The following TAPBP variants were observed in gnomAD, a reference collection of about 807,000 sequenced individuals.
The protein encoded by TAPBP is TAP binding protein, also known as tapasin.
In TAPBP, 38 loss-of-function variants were observed where a neutral mutation model predicts 45.7. The observed-to-expected ratio is 0.83, with a 90% CI of 0.64 to 1.09. The LOEUF (loss-of-function observed/expected upper bound fraction) is 1.09, where lower values mean the gene tolerates loss of function less well. Among genes scored for constraint, TAPBP ranks in the 50% least tolerant of loss-of-function variants. The probability of loss-of-function intolerance (pLI) is 0.00; values close to 1 mark genes in which losing one functional copy is unlikely to be tolerated. For synonymous variants in TAPBP, 226 were observed against 254.8 expected (o/e 0.89, Z 1.08); for missense variants, 513 against 587.3 (o/e 0.87, Z 1.31).
At chr6:33,309,610 T>TTTC (rs1769205876) in intron 3 of TAPBP, among the ~76,000 whole-genome samples, 1 of 145,536 alleles carries the variant, frequency 6.9e-6, no homozygotes, top group Non-Finnish European at 1.5e-5. Context: ...TTTTTTTTTT[T>TTTC]TTTTTTTTTT....
In TAPBP at chr6:33,305,377, A is replaced by G. The variant is rs1371576684; in HGVS notation, c.480T>C (p.Thr160=). The stretch of plus-strand genomic sequence containing the variant: ...GAGGGGCAGGGGTGTGGGTGAGGAC[A>G]GTCAGTACCACTGAGGAAGACAGGG... ...VLITMATVVL[T]VLTHTPAPRV... is the part of the protein sequence containing the mutation. Residue 160 remains threonine (T), a synonymous_variant, in exon 4 of 8, where the codon ACT becomes ACC. Coordinates refer to ENST00000434618, the MANE Select transcript of TAPBP (RefSeq NM_003190.5). This position sits in a 1 kb window ranked among gnomAD's most constrained non-coding sequence, Gnocchi z 4.4. 1.3e-6 allele frequency: 2 copies of G among 1,521,084 alleles called. No homozygotes were observed. Among genetic ancestry groups the G allele is most frequent in the African/African-American group, 2.8e-5 (2 of 71,830 alleles). The allele number at this position is 1,521,084 out of a possible 1,614,324, so 94.2% of individuals were successfully genotyped here. A position where few individuals can be genotyped will look rare whatever the true frequency, so the allele number is the denominator to read the frequency against.
chr6:33,313,777 G>C lies in TAPBP; in HGVS notation c.125C>G (p.Pro42Arg). The C allele has an allele frequency of 6.2e-7, 1 of 1,613,732 alleles. No homozygotes were observed. The highest frequency in any genetic ancestry group is 8.5e-7 in the Non-Finnish European group (1 of 1,180,004). Residue 42 changes from proline (P) to arginine (R), a missense_variant, in exon 2 of 8, where the codon CCC becomes CGC. Pro to Arg is a moderately radical substitution (Grantham distance 103). Coordinates refer to ENST00000434618, the MANE Select transcript of TAPBP (RefSeq NM_003190.5). The surrounding 1 kb of genome is among the most constrained non-coding windows in gnomAD (Gnocchi z 7.2). The stretch of plus-strand genomic sequence containing the variant: ...TCCCTGGCGCAACAGCAGTGCACCG[G>C]GTCTCTTGGCCAGGCCCTTTCCGCT... ...DASGKGLAKRPGALLLRQGPG... is the reference protein window; with the variant it reads ...DASGKGLAKRRGALLLRQGPG...
At position 33,300,980 on chromosome 6, in the gene TAPBP, A is replaced by AG. The variant is rs1345747179; in HGVS notation, c.*779_*780insC. ...GACTCCGTCTCAAAAAAAAAAAAAAAAAAGTTTTTTGCCTTCTTCATTCTA... is the reference window on the plus strand; with the variant it reads ...GACTCCGTCTCAAAAAAAAAAAAAAAGAAAGTTTTTTGCCTTCTTCATTCTA... On this transcript the variant is annotated 3_prime_UTR_variant, in exon 8 of 8. Coordinates refer to ENST00000434618, the MANE Select transcript of TAPBP (RefSeq NM_003190.5). 1 of 152,164 alleles carries AG rather than the reference A, an allele frequency of 6.6e-6. No individual in the cohort carries two copies. The highest frequency in any genetic ancestry group is 1.5e-5 in the Non-Finnish European group (1 of 68,042). The allele number at this position is 152,164 out of a possible 1,614,324, so 9.4% of individuals were successfully genotyped here.
At position 33,314,064 on chromosome 6, in the gene TAPBP, T is replaced by C; in HGVS notation, c.-23A>G. ...CATGGCGCTGCGACCTCCTCAGCCA[T>C]GAAGCCTCCTCTTCCTCCTTTCACT... is the stretch of plus-strand genomic sequence containing the variant. On this transcript the variant is annotated 5_prime_UTR_variant, in exon 1 of 8. It removes an upstream start codon present in the reference 5' UTR. Coordinates refer to ENST00000434618, the MANE Select transcript of TAPBP (RefSeq NM_003190.5). 1 of 1,612,874 alleles carries C rather than the reference T, an allele frequency of 6.2e-7. No individual in the cohort carries two copies. Among genetic ancestry groups the C allele is most frequent in the Non-Finnish European group, 8.5e-7 (1 of 1,179,210 alleles).
At chr6:33,302,294 T>C (rs2150956780) in intron 7 of TAPBP, among the ~76,000 whole-genome samples, 1 of 151,898 alleles carries the variant, frequency 6.6e-6, no homozygotes, top group South Asian at 2.1e-4. Context: ...TATAGCTGTG[T>C]GCCACCATGC....
intron 7 of TAPBP, chr6:33,303,458 G>A: frequency 2.7e-6 from 1 of 365,622 alleles, no homozygotes; most frequent in South Asian, 3.5e-5. Context: ...ATGTGTATAA[G>A]GTGTATAGGA....
intron 3 of TAPBP, among the ~76,000 whole-genome samples, chr6:33,309,855 G>T (rs989186777): frequency 3.8e-4 from 57 of 150,842 alleles, no homozygotes; most frequent in African/African-American, 1.3e-3. Flanking sequence ...CTTCCGAGTA[G>T]CTGGGATTAC....
rs1768452688 is a variant in TAPBP at position 33,300,276 on chromosome 6, G to A, written c.*1484C>T. 1 of 153,806 alleles carries A rather than the reference G, an allele frequency of 6.5e-6. No homozygotes were observed. The highest frequency in any genetic ancestry group is 1.5e-5 in the Non-Finnish European group (1 of 68,062). The allele number at this position is 153,806 out of a possible 1,614,324, so 9.5% of individuals were successfully genotyped here. Reference sequence around the variant, plus strand: ...GAATGGATTTGGCCCTAGAGTACGGGTTCTCCAAATGTAACCTCGGCCCTA... The same window carrying A: ...GAATGGATTTGGCCCTAGAGTACGGATTCTCCAAATGTAACCTCGGCCCTA... On this transcript the variant is annotated 3_prime_UTR_variant, in exon 8 of 8. Coordinates refer to ENST00000434618, the MANE Select transcript of TAPBP (RefSeq NM_003190.5).
In TAPBP at chr6:33,304,636, G is replaced by T. The variant is rs1047968447; in HGVS notation, c.871C>A (p.Pro291Thr). 3.2e-6 allele frequency: 5 copies of T among 1,564,968 alleles called. No individual in the cohort carries two copies. The South Asian group carries it at 3.4e-5, about 11-fold the overall frequency. The change falls in exon 5 of 8, where the codon CCC (proline) becomes ACC (threonine). Residue 291 changes from proline to threonine, a missense_variant and splice_region_variant. Pro to Thr is a conservative substitution (Grantham distance 38). Coordinates refer to ENST00000434618, the MANE Select transcript of TAPBP (RefSeq NM_003190.5). ...QVTLELAVYK[P>T]PKVSLMPATL... ...GCTGGCATCAGGGACACTTTGGGGG[G>T]TTCTGGGGAAAGAGGACGAAATGAG...
In TAPBP at chr6:33,305,496, A is replaced by T; in HGVS notation, c.470-109T>A. 8.2e-7 allele frequency: 1 copy of T among 1,224,210 alleles called. No individual in the cohort carries two copies. Among genetic ancestry groups the T allele is most frequent in the Non-Finnish European group, 1.1e-6 (1 of 901,668 alleles). The allele number at this position is 1,224,210 out of a possible 1,614,324, so 75.8% of individuals were successfully genotyped here. ...GGGAGGGCTAAACTGCAGTTTACCC[A>T]CCCCTCAGAGGACACCTTTTCTGAT... On this transcript the variant is annotated intron_variant, in intron 3 of 7. Coordinates refer to ENST00000434618, the MANE Select transcript of TAPBP (RefSeq NM_003190.5). This position sits in a 1 kb window ranked among gnomAD's most constrained non-coding sequence, Gnocchi z 4.4.
chr6:33,314,069 C>A lies in TAPBP; in HGVS notation c.-28G>T. On this transcript the variant is annotated 5_prime_UTR_variant, in exon 1 of 8. Coordinates refer to ENST00000434618, the MANE Select transcript of TAPBP (RefSeq NM_003190.5). ...CGCTGCGACCTCCTCAGCCATGAAG[C>A]CTCCTCTTCCTCCTTTCACTTTCAC... 6.2e-7 allele frequency: 1 copy of A among 1,610,878 alleles called. No individual in the cohort carries two copies. Among genetic ancestry groups the A allele is most frequent in the Non-Finnish European group, 8.5e-7 (1 of 1,177,860 alleles).
chr6:33,310,689 C>T (rs1170012605), intron 3 of TAPBP, among the ~76,000 whole-genome samples: 1 of 151,782 alleles, frequency 6.6e-6, no homozygotes, highest in East Asian at 1.9e-4. Context: ...CATGGTGGCA[C>T]ATGCCTGTGG....
chr6:33,308,582 C>T (rs1452193761), intron 3 of TAPBP, among the ~76,000 whole-genome samples: 1 of 152,068 alleles, frequency 6.6e-6, no homozygotes, highest in Non-Finnish European at 1.5e-5. Flanking sequence ...TCATGAGGTC[C>T]CTTCAGTTTA....
At chr6:33,302,894 C>T (rs866966943) in intron 7 of TAPBP, among the ~76,000 whole-genome samples, 1 of 152,110 alleles carries the variant, frequency 6.6e-6, no homozygotes. Flanking sequence ...CCTCCCGCCT[C>T]GGCCTCCCAA....
rs931325263 is a variant in TAPBP, at chr6:33,301,552, C to T, written c.*208G>A. 16 of 566,846 alleles carry T rather than the reference C, an allele frequency of 2.8e-5. No individual in the cohort carries two copies. Among genetic ancestry groups the T allele is most frequent in the South Asian group, 4.4e-5 (2 of 45,660 alleles). 35.1% of individuals were successfully genotyped at this position (566,846 alleles called of 1,614,324 possible). A position where few individuals can be genotyped will look rare whatever the true frequency, so the allele number is the denominator to read the frequency against. On this transcript the variant is annotated 3_prime_UTR_variant, in exon 8 of 8. Coordinates refer to ENST00000434618, the MANE Select transcript of TAPBP (RefSeq NM_003190.5). ...TCATGCCACTGCACTGCAGCCTGGGCGGAAGAGTGAGACTCCGTCTCAAAA... is the reference window on the plus strand; with the variant it reads ...TCATGCCACTGCACTGCAGCCTGGGTGGAAGAGTGAGACTCCGTCTCAAAA...
chr6:33,308,873 GT>G (rs1438807278), intron 3 of TAPBP, among the ~76,000 whole-genome samples: 1 of 152,106 alleles, frequency 6.6e-6, no homozygotes, highest in Non-Finnish European at 1.5e-5. Flanking sequence ...GTACATGAAG[GT>G]CACTTTCACT....
At position 33,313,866 on chromosome 6, in the gene TAPBP, T is replaced by C. The variant is rs745433426; in HGVS notation, c.38-2A>G. 1.2e-6 allele frequency: 2 copies of C among 1,613,344 alleles called. No homozygotes were observed. The highest frequency in any genetic ancestry group is 1.7e-6 in the Non-Finnish European group (2 of 1,179,918). On this transcript the variant is annotated splice_acceptor_variant, in intron 1 of 7. Transcript: ENST00000434618. LOFTEE classifies it high-confidence loss of function. The surrounding 1 kb of genome is among the most constrained non-coding windows in gnomAD (Gnocchi z 7.2). ...CTGCTGAGACGGCGGTCGCCAGGCCTGGCGTATAGGGACGCGAGTGAGGAG... is the reference window on the plus strand; with the variant it reads ...CTGCTGAGACGGCGGTCGCCAGGCCCGGCGTATAGGGACGCGAGTGAGGAG...
In TAPBP at chr6:33,300,615, C is replaced by G. The variant is rs1210250402; in HGVS notation, c.*1145G>C. The G allele has an allele frequency of 6.8e-6, 1 of 146,300 alleles. No individual in the cohort carries two copies. The allele number at this position is 146,300 out of a possible 1,614,324, so 9.1% of individuals were successfully genotyped here. A position where few individuals can be genotyped will look rare whatever the true frequency, so the allele number is the denominator to read the frequency against. Reference sequence around the variant, plus strand: ...GGCGGAGCGTGCCGTGAGCCGAGATCGTGCCACTGCACTCCAGCCTGGGCA... The same window carrying G: ...GGCGGAGCGTGCCGTGAGCCGAGATGGTGCCACTGCACTCCAGCCTGGGCA... On this transcript the variant is annotated 3_prime_UTR_variant, in exon 8 of 8. Coordinates refer to ENST00000434618, the MANE Select transcript of TAPBP (RefSeq NM_003190.5).
At chr6:33,307,924 A>C (rs1365403653) in intron 3 of TAPBP, among the ~76,000 whole-genome samples, 1 of 152,104 alleles carries the variant, frequency 6.6e-6, no homozygotes, top group Non-Finnish European at 1.5e-5. Context: ...TACCTTCATC[A>C]CTATCATGGA....
Sources: allele counts gnomAD v4.1 joint callset (sites outside exome capture counted in the v4.1 genomes callset), GRCh38; gene constraint gnomAD v4.1.1; non-coding constraint Gnocchi (gnomAD v3.1); transcripts MANE v1.5; gene names NCBI Gene and HGNC (gene_info 2026-07-23, HGNC 2026-07-21).